Variants in TACC2 observed in about 807,000 individuals in gnomAD.
TACC2 encodes transforming acidic coiled-coil containing protein 2.
A neutral mutation model predicts 227.3 loss-of-function variants in TACC2; 137 were observed. The observed-to-expected ratio is 0.60, with a 90% CI of 0.52 to 0.69. The LOEUF is 0.69. Among genes scored for constraint, TACC2 ranks in the 30% least tolerant of loss-of-function variants. The pLI is 0.00. For synonymous variants in TACC2, 1,523 were observed against 1,487.5 expected (o/e 1.02, Z -0.55); for missense variants, 3,470 against 3,694.4 (o/e 0.94, Z 1.57).
At chr10:122,172,896 T>C (rs570513099) in intron 7 of TACC2, among the ~76,000 whole-genome samples, 110 of 151,966 alleles carry the variant, frequency 7.2e-4, no homozygotes, top group Non-Finnish European at 1.0e-4. Flanking sequence ...GAGCGCTGAG[T>C]TTGGACCCCC....
At chr10:122,095,492 A>G (rs2081278959) in intron 5 of TACC2, among the ~76,000 whole-genome samples, 1 of 152,158 alleles carries the variant, frequency 6.6e-6, no homozygotes, top group Non-Finnish European at 1.5e-5. Flanking sequence ...ATGTACTTCC[A>G]CACTGCAGCA....
At chr10:122,053,288 A>G (rs2075897960) in intron 3 of TACC2, among the ~76,000 whole-genome samples, 1 of 151,982 alleles carries the variant, frequency 6.6e-6, no homozygotes, top group Non-Finnish European at 1.5e-5. Context: ...TGTGCAGGGA[A>G]ACTCCCGTTT....
chr10:121,993,462 C>T (rs1437443652), intron 1 of TACC2, among the ~76,000 whole-genome samples: 2 of 152,130 alleles, frequency 1.3e-5, no homozygotes, highest in East Asian at 1.9e-4. Flanking sequence ...CTCCCGAGTC[C>T]ACCCACTGTC....
At position 122,085,154 on chromosome 10, in the gene TACC2, A is replaced by G; in HGVS notation, c.2654A>G (p.Asn885Ser). 1 of 1,614,160 alleles carries G rather than the reference A, an allele frequency of 6.2e-7. No individual in the cohort carries two copies. The highest frequency in any genetic ancestry group is 1.1e-5 in the South Asian group (1 of 91,084). Residue 885 changes from asparagine (N) to serine (S), a missense_variant, in exon 4 of 23, where the codon AAC becomes AGC. Coordinates refer to ENST00000369005, the MANE Select transcript of TACC2 (RefSeq NM_206862.4). ...IHVPVEPQED[N>S]NLPTHGGQEQ... ...GTACCTGTGGAACCTCAGGAAGATAACAACTTGCCCACTCATGGAGGACAG... is the reference window on the plus strand; with the variant it reads ...GTACCTGTGGAACCTCAGGAAGATAGCAACTTGCCCACTCATGGAGGACAG...
chr10:122,252,096 CAA>C (rs980395857), intron 22 of TACC2, among the ~76,000 whole-genome samples: 2 of 152,230 alleles, frequency 1.3e-5, no homozygotes, highest in African/African-American at 2.4e-5. Flanking sequence ...CTGATGACGC[CAA>C]GAGAGAGCTT....
chr10:122,249,963 C>T (rs1329324299), intron 22 of TACC2, among the ~76,000 whole-genome samples: 5 of 152,210 alleles, frequency 3.3e-5, no homozygotes, highest in South Asian at 4.1e-4. Flanking sequence ...ATGTGTTAGG[C>T]GTAGCCCTTG....
In TACC2 at chr10:122,070,932, A is replaced by G. The variant is rs563351620; in HGVS notation, c.147-11715A>G. ...GAGGAAGACCCTGTCTGGAAAAAAAAAAAGGGATATAACAAAAATACGTTT... is the reference window on the plus strand; with the variant it reads ...GAGGAAGACCCTGTCTGGAAAAAAAGAAAGGGATATAACAAAAATACGTTT... On this transcript the variant is annotated intron_variant, in intron 3 of 22. Coordinates refer to ENST00000369005, the MANE Select transcript of TACC2 (RefSeq NM_206862.4). 1.2e-3 allele frequency among the ~76,000 whole-genome samples: 178 copies of G among 152,212 alleles called. 1 individual carries two copies. Among genetic ancestry groups the G allele is most frequent in the Non-Finnish European group, 2.0e-3 (133 of 68,008 alleles).
At chr10:122,186,112 A>G (rs1228433295) in intron 7 of TACC2, among the ~76,000 whole-genome samples, 2 of 151,938 alleles carry the variant, frequency 1.3e-5, no homozygotes, top group East Asian at 3.9e-4. Flanking sequence ...TATTTTTAGT[A>G]GAGACAGGGT....
intron 7 of TACC2, among the ~76,000 whole-genome samples, chr10:122,159,273 G>A (rs1284214099): frequency 4.6e-5 from 7 of 152,216 alleles, no homozygotes; most frequent in Non-Finnish European, 5.9e-5. Flanking sequence ...ACGACTTTTG[G>A]AACAAGACTG....
At chr10:122,148,686 T>C (rs2091696928) in intron 7 of TACC2, among the ~76,000 whole-genome samples, 1 of 152,236 alleles carries the variant, frequency 6.6e-6, no homozygotes, top group Non-Finnish European at 1.5e-5. Flanking sequence ...GCTGGGTGAC[T>C]TCCTGCTGCC....
chr10:122,239,202 T>C (rs886314571), intron 18 of TACC2, among the ~76,000 whole-genome samples: 1 of 152,064 alleles, frequency 6.6e-6, no homozygotes, highest in African/African-American at 2.4e-5. Context: ...AGAGATGGGG[T>C]TTTACCATGT....
At chr10:122,070,753 C>A (rs1383801258) in intron 3 of TACC2, among the ~76,000 whole-genome samples, 275 of 99,428 alleles carry the variant, frequency 2.8e-3, no homozygotes, top group South Asian at 3.6e-3. Context: ...AATTCCGTCT[C>A]AAAAAAAAAA....
chr10:122,244,563 G>C (rs755130723), intron 19 of TACC2, among the ~76,000 whole-genome samples: 5 of 152,174 alleles, frequency 3.3e-5, no homozygotes, highest in Admixed American at 3.3e-4. Context: ...CTCTTGGCAG[G>C]ACGTGCCTTC....
intron 5 of TACC2, among the ~76,000 whole-genome samples, chr10:122,105,694 C>T (rs1413771345): frequency 6.6e-6 from 1 of 151,330 alleles, no homozygotes; most frequent in East Asian, 1.9e-4. Flanking sequence ...AATCTCAGCT[C>T]ACTGCAACCT....
intron 5 of TACC2, chr10:122,127,022 C>G (rs760945447): frequency 6.5e-6 from 1 of 153,282 alleles, no homozygotes; most frequent in Non-Finnish European, 1.5e-5. Flanking sequence ...ACAGCACTGC[C>G]TTGCCTCTTC....
intron 3 of TACC2, among the ~76,000 whole-genome samples, chr10:122,058,635 T>C (rs1449507063): frequency 2.0e-5 from 3 of 152,028 alleles, no homozygotes; most frequent in African/African-American, 7.2e-5. Flanking sequence ...TCTCTATCTC[T>C]TGACCTTGTG....
chr10:122,106,188 A>G (rs2082779821), intron 5 of TACC2, among the ~76,000 whole-genome samples: 2 of 150,728 alleles, frequency 1.3e-5, no homozygotes, highest in African/African-American at 2.4e-5. Flanking sequence ...GGGTTTTGCC[A>G]TGTTCGCCAG....
chr10:122,211,095 C>G lies in TACC2; in HGVS notation c.6670C>G (p.Gln2224Glu), dbSNP rs753159948. Residue 2224 changes from glutamine to glutamate, a missense_variant, in exon 9 of 23, where the codon CAG (glutamine) becomes GAG (glutamate). Around this residue, in one of 10 missense-constraint regions of TACC2, gnomAD observed 593 missense variants for 636.6 expected, o/e 0.93. Coordinates refer to ENST00000369005, the MANE Select transcript of TACC2 (RefSeq NM_206862.4). ...VPPASGGGRV[Q>E]NSPPVGRKTL... ...CCCGGCTTCTGGAGGTGGCAGAGTG[C>G]AGAACTCACCCCCTGTCGGGAGGAA... 6.2e-7 allele frequency: 1 copy of G among 1,612,382 alleles called. No individual in the cohort carries two copies. Among genetic ancestry groups the G allele is most frequent in the East Asian group, 2.2e-5 (1 of 44,870 alleles).
At chr10:122,252,616 T>C (rs750469348) in intron 22 of TACC2, among the ~76,000 whole-genome samples, 5 of 151,812 alleles carry the variant, frequency 3.3e-5, no homozygotes, top group Non-Finnish European at 7.4e-5. Context: ...TCAGCTTCCC[T>C]AGTAGCTGGG....
Sources: gnomAD v4.1 joint callset for allele counts (sites outside exome capture counted in the v4.1 genomes callset) on GRCh38, gnomAD v4.1.1 for gene constraint, gnomAD v4.1.1 regional missense constraint, MANE v1.5 for transcripts, NCBI Gene and HGNC (gene_info 2026-07-23, HGNC 2026-07-21) for gene names.